ZNF454: variants seen among roughly 807,000 people sequenced by gnomAD.
ZNF454 encodes the protein zinc finger protein 454.
Under a neutral mutation model 48.2 loss-of-function variants are expected in ZNF454, and 30 were observed. The observed-to-expected ratio is 0.62, with a 90% CI of 0.47 to 0.84. The LOEUF (loss-of-function observed/expected upper bound fraction) is 0.84. Among genes scored for constraint, ZNF454 ranks in the 40% least tolerant of loss-of-function variants. ZNF454 has a pLI of 0.00. For synonymous variants in ZNF454, 204 were observed against 211.4 expected (o/e 0.97, Z 0.30); for missense variants, 510 against 623.1 (o/e 0.82, Z 1.93).
intron 2 of ZNF454, among the ~76,000 whole-genome samples, chr5:178,943,898 G>A (rs1245554478): frequency 6.6e-6 from 1 of 151,996 alleles, no homozygotes; most frequent in Admixed American, 6.6e-5. Context: ...GTGGTGGTGG[G>A]CGCCTGTAGT....
At chr5:178,960,436 T>C (rs1042812927) in intron 4 of ZNF454, among the ~76,000 whole-genome samples, 3 of 151,600 alleles carry the variant, frequency 2.0e-5, no homozygotes, top group Non-Finnish European at 4.4e-5. Context: ...TTTGTATTTT[T>C]AGTAGAGACG....
At chr5:178,945,467 C>T (rs796848217) in intron 2 of ZNF454, among the ~76,000 whole-genome samples, 6 of 122,648 alleles carry the variant, frequency 4.9e-5, no homozygotes, top group African/African-American at 1.9e-4. Flanking sequence ...GGGGGTGTGT[C>T]GTGTGTGTGT....
chr5:178,981,576 A>C, the ZNF454 span: 12 of 1,070,292 alleles, frequency 1.1e-5, no homozygotes, highest in Non-Finnish European at 1.6e-5. This position sits in a 1 kb window ranked among gnomAD's most constrained non-coding sequence, Gnocchi z 5.1. Context: ...TTCACCGTGG[A>C]CCCGGGCTCT....
the ZNF454 span, among the ~76,000 whole-genome samples, chr5:178,977,618 G>A: frequency 6.7e-6 from 1 of 150,168 alleles, no homozygotes; most frequent in African/African-American, 2.5e-5. Context: ...TGCCCAGGCT[G>A]GAGTGCAATG....
the ZNF454 span, chr5:178,989,903 C>A: frequency 4.4e-6 from 1 of 229,138 alleles, no homozygotes. Flanking sequence ...CTGCCCCATG[C>A]CTAAAGTCAC....
chr5:178,946,995 CAT>C lies in ZNF454; in HGVS notation c.250+10_250+11del, dbSNP rs554254266. 516 of 1,612,824 alleles carry C rather than the reference CAT, an allele frequency of 3.2e-4. 2 individuals are homozygous for C. Among genetic ancestry groups the C allele is most frequent in the South Asian group, 1.6e-3 (146 of 90,946 alleles). On this transcript the variant is annotated intron_variant, in intron 4 of 4. Coordinates refer to ENST00000519564, the MANE Select transcript of ZNF454 (RefSeq NM_001178089.3). This position sits in a 1 kb window ranked among gnomAD's most constrained non-coding sequence, Gnocchi z 4.5. ...TGGAGGCTTCTGTCTTGGTAAGAAT[CAT>C]GTGTGTGGGAGACACCGGGAGGAGC...
At chr5:178,966,872 T>C (rs1760171207), downstream of ZNF454, among the ~76,000 whole-genome samples, 1 of 152,196 alleles carries the variant, frequency 6.6e-6, no homozygotes, top group Non-Finnish European at 1.5e-5. Context: ...GTAGAATCCC[T>C]GTGAGACGAT....
chr5:178,984,778 G>C, the ZNF454 span, among the ~76,000 whole-genome samples: 6 of 152,154 alleles, frequency 3.9e-5, no homozygotes, highest in Admixed American at 3.9e-4. Flanking sequence ...CACGTGGCGT[G>C]TGTGGAACGA....
chr5:178,972,377 C>A, the ZNF454 span, among the ~76,000 whole-genome samples: 71 of 152,112 alleles, frequency 4.7e-4, no homozygotes, highest in Non-Finnish European at 8.1e-4. Context: ...ATTTTTCTTT[C>A]CAATTTGGGG....
At chr5:178,955,745 G>T (rs1392212059) in intron 4 of ZNF454, among the ~76,000 whole-genome samples, 1 of 152,182 alleles carries the variant, frequency 6.6e-6, no homozygotes, top group Non-Finnish European at 1.5e-5. Flanking sequence ...TCAAAATGCT[G>T]TTATTTCTTT....
At chr5:178,986,250 C>G in the ZNF454 span, 7 of 1,614,018 alleles carry the variant, frequency 4.3e-6, no homozygotes, top group Admixed American at 1.7e-5. Flanking sequence ...TCTTGGTGAG[C>G]AGGGCAGAGT....
intron 1 of ZNF454, among the ~76,000 whole-genome samples, chr5:178,942,104 G>C (rs2113161214): frequency 6.6e-6 from 1 of 152,244 alleles, no homozygotes; most frequent in East Asian, 1.9e-4. Flanking sequence ...TGAATAACTT[G>C]TTAAAGAGAT....
intron 4 of ZNF454, among the ~76,000 whole-genome samples, chr5:178,957,658 G>A (rs559160156): frequency 1.1e-4 from 16 of 152,090 alleles, no homozygotes; most frequent in African/African-American, 3.9e-4. Flanking sequence ...TGTAGGTAGG[G>A]GTAGGTCTCC....
At chr5:178,985,446 G>A in the ZNF454 span, among the ~76,000 whole-genome samples, 1 of 151,388 alleles carries the variant, frequency 6.6e-6, no homozygotes, top group Non-Finnish European at 1.5e-5. Context: ...GCTCCCGCCT[G>A]TCATCCCAGC....
At chr5:178,982,227 G>A in the ZNF454 span, among the ~76,000 whole-genome samples, 5 of 152,172 alleles carry the variant, frequency 3.3e-5, no homozygotes, top group African/African-American at 4.8e-5. Context: ...ATATTCTGCC[G>A]CATACGTGAA....
In ZNF454 at chr5:178,965,636, C is replaced by T. The variant is rs893757905; in HGVS notation, c.1232C>T (p.Pro411Leu). Residue 411 changes from proline to leucine, a missense_variant, in exon 5 of 5, where the codon CCT becomes CTT. By Grantham distance (98) the Pro-to-Leu change is moderately conservative (BLOSUM62 -3). Transcript: ENST00000519564. The surrounding 1 kb of genome is among the most constrained non-coding windows in gnomAD (Gnocchi z 5.2). The part of the protein sequence containing the change: ...RHRKIHTGEK[P>L]YRCGLCEKAF... ...CGGAAAATTCACACTGGAGAGAAACCTTACAGATGTGGCTTGTGTGAGAAA... is the reference window on the plus strand; with the variant it reads ...CGGAAAATTCACACTGGAGAGAAACTTTACAGATGTGGCTTGTGTGAGAAA... 5.0e-6 allele frequency: 8 copies of T among 1,614,030 alleles called. No homozygotes were observed. The highest frequency in any genetic ancestry group is 6.8e-6 in the Non-Finnish European group (8 of 1,180,032).
rs1561707913 is a variant in ZNF454 at position 178,964,609 on chromosome 5, GTTTTGCTAGGGTAAAACAGACA to G, written c.251-41_251-20del. On this transcript the variant is annotated intron_variant, in intron 4 of 4. Transcript: ENST00000519564. ...GCTCGTCATCTTGCCCCATCCAAATGTTTTGCTAGGGTAAAACAGACATTTTTATTTTTAATGTCTTTCAGAC... is the reference window on the plus strand; with the variant it reads ...GCTCGTCATCTTGCCCCATCCAAATGTTTTTATTTTTAATGTCTTTCAGAC... 3.4e-6 allele frequency: 5 copies of G among 1,461,864 alleles called. No individual in the cohort carries two copies. The South Asian group carries it at 6.2e-5, about 18-fold the overall frequency. 90.6% of individuals were successfully genotyped at this position (1,461,864 alleles called of 1,614,324 possible). A position where few individuals can be genotyped will look rare whatever the true frequency, so the allele number is the denominator to read the frequency against.
chr5:178,989,435 C>T, the ZNF454 span: 6 of 1,613,330 alleles, frequency 3.7e-6, no homozygotes, highest in Admixed American at 1.7e-5. Flanking sequence ...GGGAGGGTGG[C>T]GCTGACCTGA....
At chr5:178,977,781 C>T in the ZNF454 span, among the ~76,000 whole-genome samples, 1 of 152,064 alleles carries the variant, frequency 6.6e-6, no homozygotes, top group Non-Finnish European at 1.5e-5. Context: ...GATGGTGTTT[C>T]GCCATGTTGG....
Sources: gnomAD v4.1 joint callset for allele counts (sites outside exome capture counted in the v4.1 genomes callset) on GRCh38, gnomAD v4.1.1 for gene constraint, Gnocchi (gnomAD v3.1) non-coding constraint, MANE v1.5 for transcripts, NCBI Gene and HGNC (gene_info 2026-07-23, HGNC 2026-07-21) for gene names.